PSME4: variants seen among roughly 807,000 people sequenced by gnomAD.
PSME4 encodes proteasome activator complex subunit 4.
A neutral mutation model predicts 253.9 loss-of-function variants in PSME4; 89 were observed. The observed-to-expected ratio is 0.35, with a 90% CI of 0.30 to 0.42. The LOEUF (loss-of-function observed/expected upper bound fraction) is 0.42, where lower values mean the gene tolerates loss of function less well. PSME4 is among the 10% of genes least tolerant of loss of function. The pLI is 1.00. For synonymous variants in PSME4, 851 were observed against 759.2 expected, an observed-to-expected ratio of 1.12 and a Z score of -1.99; for missense variants, 2,014 against 2,195.2, an observed-to-expected ratio of 0.92 and a Z score of 1.65.
chr2:53,874,721 G>A (rs1156456769), intron 42 of PSME4, among the ~76,000 whole-genome samples: 3 of 152,212 alleles, frequency 2.0e-5, no homozygotes, highest in Non-Finnish European at 4.4e-5. Context: ...GAGGTGGGTG[G>A]ATCACCTGAG....
intron 18 of PSME4, among the ~76,000 whole-genome samples, chr2:53,920,605 A>T (rs1668270687): frequency 6.6e-6 from 1 of 152,230 alleles, no homozygotes; most frequent in African/African-American, 2.4e-5. Context: ...TGTAAGAGTG[A>T]TGATGAGTTT....
At chr2:53,954,822 C>T (rs1160113651) in intron 1 of PSME4, among the ~76,000 whole-genome samples, 1 of 151,092 alleles carries the variant, frequency 6.6e-6, no homozygotes, top group Non-Finnish European at 1.5e-5. Context: ...GCCTGGGTAA[C>T]AGAGAGACCT....
chr2:53,919,995 C>A (rs1035011783), intron 19 of PSME4, among the ~76,000 whole-genome samples, 198 bp downstream of exon 19: 1 of 152,108 alleles, frequency 6.6e-6, no homozygotes, highest in Admixed American at 6.5e-5. Flanking sequence ...AAGAAACCCA[C>A]AATTTTTGGG....
intron 44 of PSME4, among the ~76,000 whole-genome samples, chr2:53,867,669 CAAAAAAAAAAA>C (rs35848517): frequency 1.0e-5 from 1 of 98,562 alleles, no homozygotes; most frequent in Non-Finnish European, 2.1e-5. Flanking sequence ...GACCTTACCT[CAAAAAAAAAAA>C]AAAAAAAAAA....
At chr2:53,903,230 T>C (rs371192709) in intron 27 of PSME4, among the ~76,000 whole-genome samples, 21 of 152,156 alleles carry the variant, frequency 1.4e-4, no homozygotes, top group African/African-American at 3.1e-4. Context: ...TCTTAGGTCA[T>C]TGGAACCACT....
chr2:53,903,468 T>C (rs1360401077), intron 27 of PSME4, among the ~76,000 whole-genome samples: 1 of 152,212 alleles, frequency 6.6e-6, no homozygotes, highest in African/African-American at 2.4e-5. Context: ...ATATTACCTA[T>C]ACTTTATTAC....
intron 36 of PSME4, among the ~76,000 whole-genome samples, chr2:53,891,866 A>G (rs1045805914): frequency 3.7e-4 from 57 of 152,142 alleles, no homozygotes; most frequent in African/African-American, 1.3e-3. Flanking sequence ...TCCAAAAAAA[A>G]AAAAAAAGAG....
intron 36 of PSME4, among the ~76,000 whole-genome samples, chr2:53,891,488 C>T (rs577897391): frequency 1.9e-4 from 29 of 152,234 alleles, no homozygotes; most frequent in African/African-American, 7.0e-4. Flanking sequence ...CAAAATATCA[C>T]ATGTACCCCA....
chr2:53,925,521 T>G lies in PSME4; in HGVS notation c.1809+18A>C. ...AACTTAAAAGCTGGAAGTTTATTTT[T>G]TGCAGCAATGTTCTTACCATAAATA... is the stretch of plus-strand genomic sequence containing the variant. On this transcript the variant is annotated intron_variant, in intron 14 of 46. Transcript: ENST00000404125. 4 of 1,494,250 alleles carry G rather than the reference T, an allele frequency of 2.7e-6. No individual in the cohort carries two copies. The highest frequency in any genetic ancestry group is 3.6e-6 in the Non-Finnish European group (4 of 1,109,420). 92.6% of individuals were successfully genotyped at this position (1,494,250 alleles called of 1,614,324 possible).
chr2:53,951,761 T>A (rs553514368), intron 1 of PSME4, among the ~76,000 whole-genome samples: 1 of 152,300 alleles, frequency 6.6e-6, no homozygotes, highest in South Asian at 2.1e-4. Flanking sequence ...AAGAACATAA[T>A]GCAGATATTA....
chr2:53,933,375 C>CAAAAAAAAAAAAAAAAAAAAAAAAAAAAA, intron 8 of PSME4, among the ~76,000 whole-genome samples: 1 of 60,618 alleles, frequency 1.6e-5, no homozygotes, highest in East Asian at 4.3e-4. Flanking sequence ...GAGACCATCT[C>CAAAAAAAAAAAAAAAAAAAAAAAAAAAAA]AAAAAAAAAA....
intron 1 of PSME4, among the ~76,000 whole-genome samples, chr2:53,956,050 A>C (rs911577716): frequency 2.0e-5 from 3 of 151,376 alleles, no homozygotes; most frequent in African/African-American, 4.9e-5. Context: ...AGATGGTTTA[A>C]GCCCAGGAGA....
At chr2:53,871,992 CA>C (rs1232699716) in intron 43 of PSME4, among the ~76,000 whole-genome samples, 1 of 151,838 alleles carries the variant, frequency 6.6e-6, no homozygotes, top group Non-Finnish European at 1.5e-5. Flanking sequence ...CCCGCCTGGG[CA>C]AAAAGAGTGA....
At chr2:53,922,989 G>A in intron 16 of PSME4, 60 bp downstream of exon 16, 2 of 1,297,564 alleles carry the variant, frequency 1.5e-6, no homozygotes, top group Non-Finnish European at 2.1e-6. Context: ...CAGAGTTTTA[G>A]AAACCAAGAA....
At chr2:53,948,993 T>A (rs1235472925) in intron 2 of PSME4, 150 bp downstream of exon 2, 3 of 1,116,682 alleles carry the variant, frequency 2.7e-6, no homozygotes, top group African/African-American at 3.2e-5. Flanking sequence ...ACTGACACAT[T>A]TGATGAAAAT....
intron 27 of PSME4, among the ~76,000 whole-genome samples, chr2:53,902,555 TTC>T (rs1008950605): frequency 6.6e-5 from 10 of 152,220 alleles, no homozygotes; most frequent in African/African-American, 2.2e-4. Context: ...ATAGATATTT[TTC>T]TGTTTTGATT....
intron 1 of PSME4, among the ~76,000 whole-genome samples, chr2:53,961,328 T>C (rs1459769564): frequency 1.3e-5 from 2 of 152,176 alleles, no homozygotes; most frequent in African/African-American, 2.4e-5. Flanking sequence ...TCTAATTTTC[T>C]ACAAAGGTTA....
At chr2:53,966,101 A>G (rs1200796175) in intron 1 of PSME4, among the ~76,000 whole-genome samples, 3 of 152,096 alleles carry the variant, frequency 2.0e-5, no homozygotes, top group Non-Finnish European at 4.4e-5. Context: ...CCTGGGCAAC[A>G]TGGCAAAACC....
Position 53,888,007 on chromosome 2 carries a change from T to G in PSME4, c.4389-18A>C, listed in dbSNP as rs369733591. On this transcript the variant is annotated intron_variant, in intron 38 of 46. Transcript: ENST00000404125. The stretch of plus-strand genomic sequence containing the variant: ...AAAGTCGACTAAAATTAAAGCATCG[T>G]AGTGTTATATTGGAGGCCCTTTCTG... The G allele has an allele frequency of 2.5e-6, 4 of 1,601,744 alleles. No homozygotes were observed. The highest frequency in any genetic ancestry group is 1.3e-5 in the African/African-American group (1 of 74,220).
Sources: gnomAD v4.1 joint callset for allele counts (sites outside exome capture counted in the v4.1 genomes callset) on GRCh38, gnomAD v4.1.1 for gene constraint, MANE v1.5 for transcripts, NCBI Gene and HGNC (gene_info 2026-07-23, HGNC 2026-07-21) for gene names.